The following DNAH11 variants were observed in gnomAD, a reference collection of about 807,000 sequenced individuals.
DNAH11 encodes dynein axonemal heavy chain 11, also known as axonemal beta dynein heavy chain 11.
A neutral mutation model predicts 526.0 loss-of-function variants in DNAH11; 442 were observed. The ratio of observed to expected loss-of-function variants is 0.84; its 90% CI spans 0.78 to 0.91. The LOEUF is 0.91. Ranked by LOEUF, DNAH11 falls within the 40% of genes least tolerant of loss-of-function variation. The pLI, the probability that DNAH11 is intolerant of heterozygous loss-of-function variation, is 0.00. For missense variants in DNAH11, 6,989 were observed against 5,448.7 expected, an observed-to-expected ratio of 1.28 and a Z score of -8.90; for synonymous variants, 2,461 against 1,935.9, an observed-to-expected ratio of 1.27 and a Z score of -7.12.
At chr7:21,651,394 G>T (rs62447807) in intron 28 of DNAH11, among the ~76,000 whole-genome samples, 9,289 of 151,410 alleles carry the variant, frequency 0.061, 315 homozygotes, top group African/African-American at 0.072. Context: ...ACAGAGTCTC[G>T]CTCTGTCACC....
Position 21,655,994 on chromosome 7 carries a change from T to G in DNAH11, c.5094+13T>G. 3 of 1,578,938 alleles carry G rather than the reference T, an allele frequency of 1.9e-6. No individual in the cohort carries two copies. Among genetic ancestry groups the G allele is most frequent in the Non-Finnish European group, 2.6e-6 (3 of 1,160,550 alleles). On this transcript the variant is annotated intron_variant, in intron 29 of 81. Transcript: ENST00000409508. Reference sequence around the variant, plus strand: ...ATGTGTGGGCCATGTAAGATTTGATTATGAGGTTTTCTATGCTAGGGGAGT... The same window carrying G: ...ATGTGTGGGCCATGTAAGATTTGATGATGAGGTTTTCTATGCTAGGGGAGT...
intron 39 of DNAH11, among the ~76,000 whole-genome samples, 192 bp downstream of exon 39, chr7:21,705,729 G>T (rs56130320): frequency 6.6e-6 from 1 of 151,954 alleles, no homozygotes; most frequent in South Asian, 2.1e-4. Flanking sequence ...GGTCAGCGGG[G>T]GGAGAACAAG....
At chr7:21,854,492 A>G in intron 68 of DNAH11, 37 bp downstream of exon 68, 1 of 1,591,028 alleles carries the variant, frequency 6.3e-7, no homozygotes, top group South Asian at 1.2e-5. Flanking sequence ...GGGAAACTTT[A>G]GGAGTTCAAT....
Position 21,600,917 on chromosome 7 carries a change from A to C in DNAH11, c.3242A>C (p.Gln1081Pro). 1 of 1,613,622 alleles carries C rather than the reference A, an allele frequency of 6.2e-7. No homozygotes were observed. Among genetic ancestry groups the C allele is most frequent in the African/African-American group, 1.3e-5 (1 of 75,034 alleles). Reference protein sequence around the residue: ...EIPEQPPTLEQFKEQIDIYEA... With the variant: ...EIPEQPPTLEPFKEQIDIYEA... ...CCCGAACAACCACCAACTCTTGAGC[A>C]ATTCAAAGAACAGGCAAGGAAAACC... is the stretch of plus-strand genomic sequence containing the variant. Residue 1081 changes from glutamine to proline, a missense_variant, in exon 16 of 82, where the codon CAA (glutamine) becomes CCA (proline). Gln to Pro is a moderately conservative substitution (Grantham distance 76). Coordinates refer to ENST00000409508, the MANE Select transcript of DNAH11 (RefSeq NM_001277115.2).
intron 30 of DNAH11, among the ~76,000 whole-genome samples, chr7:21,668,307 G>A (rs1463287432): frequency 6.6e-6 from 1 of 152,008 alleles, no homozygotes; most frequent in Non-Finnish European, 1.5e-5. Flanking sequence ...AGAGCAAAGG[G>A]CATGTTGACT....
At position 21,894,882 on chromosome 7, in the gene DNAH11, AG is replaced by A. The variant is rs2128049034; in HGVS notation, c.12937del. On this transcript the variant is annotated splice_acceptor_variant, in intron 78 of 81. Transcript: ENST00000409508. LOFTEE classifies it high-confidence loss of function. ...CTGTGTGGCTTTTTTTCTCCATGCA[AG>A]GGGGAATTGGCATTATCTCCTGCTG... is the stretch of plus-strand genomic sequence containing the variant. 1 of 1,613,886 alleles carries A rather than the reference AG, an allele frequency of 6.2e-7. No individual in the cohort carries two copies. The highest frequency in any genetic ancestry group is 8.5e-7 in the Non-Finnish European group (1 of 1,179,840).
intron 45 of DNAH11, among the ~76,000 whole-genome samples, chr7:21,731,389 G>A (rs1217180406): frequency 6.6e-6 from 1 of 151,950 alleles, no homozygotes; most frequent in Admixed American, 6.6e-5. Context: ...TGTTGTTCCT[G>A]ACAACAACCA....
At chr7:21,750,414 A>G in intron 54 of DNAH11, 50 bp downstream of exon 54, 6 of 1,553,322 alleles carry the variant, frequency 3.9e-6, no homozygotes, top group Non-Finnish European at 5.2e-6. Context: ...TGCTATTGCA[A>G]CTCTCTGGTT....
chr7:21,752,557 C>A (rs1226768620), intron 54 of DNAH11, among the ~76,000 whole-genome samples: 1 of 152,058 alleles, frequency 6.6e-6, no homozygotes, highest in African/African-American at 2.4e-5. Context: ...GTACTTATGG[C>A]ACATGTTTGT....
At position 21,885,188 on chromosome 7, in the gene DNAH11, ACAC is replaced by A. The variant is rs1457076468; in HGVS notation, c.12507+779_12507+781del. ...ATGAACTATAAAAAAAAAAAAAAAA[ACAC>A]ACACATTTATGACACAATGGGAAAT... is the stretch of plus-strand genomic sequence containing the variant. On this transcript the variant is annotated intron_variant, in intron 76 of 81. Transcript: ENST00000409508. 5.0e-3 allele frequency among the ~76,000 whole-genome samples: 480 copies of A among 95,738 alleles called. 26 individuals carry two copies. The highest frequency in any genetic ancestry group is 0.017 in the Middle Eastern group (3 of 174). The allele number at this position is 95,738 out of a possible 152,430, so 62.8% of individuals were successfully genotyped here. A position where few individuals can be genotyped will look rare whatever the true frequency, so the allele number is the denominator to read the frequency against.
intron 12 of DNAH11, 135 bp from the exon 13 acceptor site, chr7:21,590,783 A>G (rs567692604): frequency 9.2e-6 from 5 of 546,066 alleles, no homozygotes; most frequent in African/African-American, 7.9e-5. Context: ...AGTATATGAA[A>G]CAAAAGTCTA....
intron 57 of DNAH11, among the ~76,000 whole-genome samples, chr7:21,782,842 G>A (rs10249289): frequency 0.14 from 20,556 of 151,204 alleles, 1,920 homozygotes; most frequent in African/African-American, 0.26. Flanking sequence ...TCCAGGAGGC[G>A]GAGGTTGCAG....
chr7:21,559,960 T>A (rs368498360), intron 4 of DNAH11, among the ~76,000 whole-genome samples, 168 bp downstream of exon 4: 1 of 152,362 alleles, frequency 6.6e-6, no homozygotes, highest in African/African-American at 2.4e-5. Flanking sequence ...GACATTAATT[T>A]AAAGTAACTT....
intron 8 of DNAH11, among the ~76,000 whole-genome samples, chr7:21,581,271 A>T (rs1355013286): frequency 6.6e-6 from 1 of 152,162 alleles, no homozygotes; most frequent in South Asian, 2.1e-4. Flanking sequence ...TTATTCTTTC[A>T]CCGTTTCATT....
intron 64 of DNAH11, among the ~76,000 whole-genome samples, 175 bp downstream of exon 64, chr7:21,816,877 T>C (rs940505227): frequency 2.6e-5 from 4 of 152,206 alleles, no homozygotes; most frequent in African/African-American, 9.6e-5. Flanking sequence ...TGAAAAGGCA[T>C]TCTTGTTGGA....
chr7:21,792,952 G>A (rs1248879058), intron 61 of DNAH11, among the ~76,000 whole-genome samples: 1 of 151,978 alleles, frequency 6.6e-6, no homozygotes, highest in Non-Finnish European at 1.5e-5. Flanking sequence ...GTTCCTTGAG[G>A]TGTATCATTA....
chr7:21,779,920 A>G (rs1787862760), intron 57 of DNAH11, among the ~76,000 whole-genome samples: 1 of 152,182 alleles, frequency 6.6e-6, no homozygotes, highest in African/African-American at 2.4e-5. Flanking sequence ...TCTCACAGCC[A>G]TTGAATCGGT....
At chr7:21,631,454 C>G (rs1437455157) in intron 25 of DNAH11, among the ~76,000 whole-genome samples, 1 of 152,218 alleles carries the variant, frequency 6.6e-6, no homozygotes, top group East Asian at 1.9e-4. Context: ...AGGCAAGTCC[C>G]TTCCACATAT....
At chr7:21,824,425 A>G (rs1790187172) in intron 65 of DNAH11, among the ~76,000 whole-genome samples, 1 of 152,138 alleles carries the variant, frequency 6.6e-6, no homozygotes, top group South Asian at 2.1e-4. Flanking sequence ...TATTTACTTA[A>G]TATTTTTAAT....
Sources: allele counts gnomAD v4.1 joint callset (sites outside exome capture counted in the v4.1 genomes callset), GRCh38; gene constraint gnomAD v4.1.1; transcripts MANE v1.5; gene names NCBI Gene and HGNC (gene_info 2026-07-23, HGNC 2026-07-21).